The following GBF1 variants were observed in gnomAD, a reference collection of about 807,000 sequenced individuals.
The protein encoded by GBF1 is Golgi-specific brefeldin A-resistance guanine nucleotide exchange factor 1.
In GBF1, 114 loss-of-function variants were observed where a neutral mutation model predicts 210.5. The ratio of observed to expected loss-of-function variants is 0.54; its 90% CI spans 0.47 to 0.63. The LOEUF is 0.63. GBF1 is among the 30% of genes least tolerant of loss of function. The pLI is 0.00. For synonymous variants in GBF1, 850 were observed against 889.2 expected (o/e 0.96, Z 0.78); for missense variants, 1,851 against 2,357.7 (o/e 0.79, Z 4.45).
At position 102,379,623 on chromosome 10, in the gene GBF1, C is replaced by T; in HGVS notation, c.4748C>T (p.Ala1583Val). 2 of 1,614,054 alleles carry T rather than the reference C, an allele frequency of 1.2e-6. No individual in the cohort carries two copies. Among genetic ancestry groups the T allele is most frequent in the South Asian group, 2.2e-5 (2 of 91,088 alleles). ...GTACATGATCTGCAAAAGCTAGATG[C>T]CCTGGAATGGGAGTCCTGTTTTAAC... Reference protein sequence around the residue: ...LLVHDLQKLDALEWESCFNKV... With the variant: ...LLVHDLQKLDVLEWESCFNKV... Residue 1583 changes from alanine (A) to valine (V), a missense_variant, in exon 35 of 40, where the codon GCC becomes GTC. Transcript: ENST00000369983.
chr10:102,271,595 G>A (rs1270098967), intron 3 of GBF1, among the ~76,000 whole-genome samples: 1 of 146,624 alleles, frequency 6.8e-6, no homozygotes, highest in Non-Finnish European at 1.5e-5. Context: ...TTCTGGATTT[G>A]TCTGTGTCCT....
At chr10:102,367,061 C>G (rs1228721124) in intron 19 of GBF1, 24 bp from the exon 20 acceptor site, 3 of 1,612,906 alleles carry the variant, frequency 1.9e-6, no homozygotes, top group Non-Finnish European at 2.5e-6. Flanking sequence ...GGCATTGACA[C>G]AGGCGGGATC....
Position 102,367,475 on chromosome 10 carries a change from T to C in GBF1, c.2560-3T>C. On this transcript the variant is annotated splice_polypyrimidine_tract_variant and splice_region_variant and intron_variant, in intron 20 of 39. Coordinates refer to ENST00000369983, the MANE Select transcript of GBF1 (RefSeq NM_001377137.1). Reference sequence around the variant, plus strand: ...GGGAAAAAACTTACTGGCCTGTCTCTAGGAGTTTCGCAAAAATCTGAAAGG... The same window carrying C: ...GGGAAAAAACTTACTGGCCTGTCTCCAGGAGTTTCGCAAAAATCTGAAAGG... The C allele has an allele frequency of 6.3e-7, 1 of 1,596,762 alleles. No homozygotes were observed. The highest frequency in any genetic ancestry group is 8.6e-7 in the Non-Finnish European group (1 of 1,164,100).
At chr10:102,377,233 C>T in intron 33 of GBF1, 93 bp downstream of exon 33, 1 of 938,366 alleles carries the variant, frequency 1.1e-6, no homozygotes, top group Non-Finnish European at 1.7e-6. Flanking sequence ...GGGGAAGGGC[C>T]CATGTGTGCC....
At chr10:102,357,804 C>T (rs1354433076) in intron 8 of GBF1, among the ~76,000 whole-genome samples, 3 of 152,190 alleles carry the variant, frequency 2.0e-5, no homozygotes, top group African/African-American at 7.2e-5. Context: ...CAATGACCAG[C>T]CCAGAAACAG....
intron 3 of GBF1, among the ~76,000 whole-genome samples, chr10:102,273,963 TC>T (rs1403533597): frequency 6.6e-6 from 1 of 152,212 alleles, no homozygotes; most frequent in Non-Finnish European, 1.5e-5. Flanking sequence ...TTTTGAATCA[TC>T]TTGGTGAGCT....
intron 3 of GBF1, among the ~76,000 whole-genome samples, chr10:102,280,700 G>C (rs2133446454): frequency 6.6e-6 from 1 of 152,254 alleles, no homozygotes; most frequent in Middle Eastern, 3.4e-3. Context: ...TACTCTGAAG[G>C]CTAGCAATAG....
intron 1 of GBF1, among the ~76,000 whole-genome samples, chr10:102,247,856 C>T (rs142360761): frequency 1.3e-5 from 2 of 152,286 alleles, no homozygotes; most frequent in East Asian, 3.9e-4. Context: ...AGGCTATAGA[C>T]ATATCTCCTC....
chr10:102,362,803 C>T, intron 15 of GBF1, 139 bp downstream of exon 15: 1 of 648,688 alleles, frequency 1.5e-6, no homozygotes, highest in Non-Finnish European at 2.7e-6. Context: ...CAGTTTAAAT[C>T]ACAGGCCAGT....
At chr10:102,355,781 T>C (rs1363299158) in intron 8 of GBF1, among the ~76,000 whole-genome samples, 1 of 152,210 alleles carries the variant, frequency 6.6e-6, no homozygotes, top group Admixed American at 6.5e-5. Context: ...GATCCAGTTC[T>C]TAGTACTTTT....
chr10:102,302,623 A>G (rs1006571467), intron 3 of GBF1, among the ~76,000 whole-genome samples: 2 of 152,242 alleles, frequency 1.3e-5, no homozygotes, highest in Non-Finnish European at 2.9e-5. Context: ...CTAAGCAAAT[A>G]ACCATTCATG....
At chr10:102,269,015 A>G (rs1352658224) in intron 3 of GBF1, among the ~76,000 whole-genome samples, 1 of 152,214 alleles carries the variant, frequency 6.6e-6, no homozygotes, top group Non-Finnish European at 1.5e-5. Flanking sequence ...TTTGCACCTC[A>G]CCAGTTTAGG....
intron 1 of GBF1, among the ~76,000 whole-genome samples, chr10:102,250,499 A>G (rs1200627121): frequency 1.3e-5 from 2 of 150,768 alleles, no homozygotes; most frequent in Admixed American, 6.6e-5. Context: ...CTGGAACTAC[A>G]GGCATGTATC....
chr10:102,291,251 A>T (rs759003346), intron 3 of GBF1, among the ~76,000 whole-genome samples: 1 of 152,150 alleles, frequency 6.6e-6, no homozygotes, highest in African/African-American at 2.4e-5. Flanking sequence ...TCAAACCTAA[A>T]TAGGTAGTGG....
intron 3 of GBF1, among the ~76,000 whole-genome samples, chr10:102,276,369 A>AT (rs1187039628): frequency 6.6e-6 from 1 of 151,734 alleles, no homozygotes; most frequent in African/African-American, 2.4e-5. Flanking sequence ...TACTAAAAAA[A>AT]CAAAAAATTA....
chr10:102,374,092 G>A (rs900439698), intron 29 of GBF1, among the ~76,000 whole-genome samples: 2 of 152,176 alleles, frequency 1.3e-5, no homozygotes, highest in Non-Finnish European at 2.9e-5. Flanking sequence ...GCTCACACCT[G>A]TAATCCCAGC....
At chr10:102,375,118 G>A (rs1302610899) in intron 29 of GBF1, among the ~76,000 whole-genome samples, 2 of 151,694 alleles carry the variant, frequency 1.3e-5, no homozygotes, top group African/African-American at 2.4e-5. Flanking sequence ...AGGTTGCAGT[G>A]AGCTGTGATT....
chr10:102,240,696 AAGTC>A (rs1203420426), upstream of GBF1, among the ~76,000 whole-genome samples: 1 of 152,224 alleles, frequency 6.6e-6, no homozygotes, highest in Admixed American at 6.5e-5. Flanking sequence ...AGGCGGCCTC[AAGTC>A]AGGACCCTTC....
chr10:102,255,945 A>C (rs1388166288), intron 1 of GBF1, among the ~76,000 whole-genome samples: 1 of 152,160 alleles, frequency 6.6e-6, no homozygotes, highest in Non-Finnish European at 1.5e-5. Context: ...GGGCATGGAC[A>C]CATTATTATT....
Sources: allele counts gnomAD v4.1 joint callset (sites outside exome capture counted in the v4.1 genomes callset), GRCh38; gene constraint gnomAD v4.1.1; transcripts MANE v1.5; gene names NCBI Gene and HGNC (gene_info 2026-07-23, HGNC 2026-07-21).